Variants in RNF157 observed in about 807,000 individuals in gnomAD.
RNF157 encodes E3 ubiquitin ligase RNF157.
RNF157 carries 55 observed loss-of-function variants against 88.3 expected under a neutral mutation model. The observed-to-expected ratio is 0.62, with a 90% confidence interval of 0.50 to 0.78. The LOEUF is 0.78. Ranked by LOEUF, RNF157 falls within the 30% of genes least tolerant of loss-of-function variation. RNF157 has a pLI of 0.00. For missense variants in RNF157, 788 were observed against 860.8 expected, an observed-to-expected ratio of 0.92 and a Z score of 1.06; for synonymous variants, 334 against 341.2, an observed-to-expected ratio of 0.98 and a Z score of 0.23.
intron 3 of RNF157, among the ~76,000 whole-genome samples, chr17:76,171,092 C>T (rs1221494479): frequency 6.6e-6 from 1 of 152,052 alleles, no homozygotes; most frequent in Non-Finnish European, 1.5e-5. Context: ...CGGGGTTTCA[C>T]TGTGTTAGCC....
chr17:76,174,757 T>C (rs537098700), intron 2 of RNF157, among the ~76,000 whole-genome samples: 1 of 152,198 alleles, frequency 6.6e-6, no homozygotes, highest in Non-Finnish European at 1.5e-5. Flanking sequence ...GGAAACAATA[T>C]AGTTAAACCA....
At chr17:76,214,419 C>T (rs933369354) in intron 1 of RNF157, among the ~76,000 whole-genome samples, 19 of 152,254 alleles carry the variant, frequency 1.2e-4, no homozygotes, top group African/African-American at 4.3e-4. Flanking sequence ...CCAGCTTATA[C>T]CTACACACAG....
At chr17:76,190,723 CGA>C (rs1409766472) in intron 2 of RNF157, among the ~76,000 whole-genome samples, 1 of 150,598 alleles carries the variant, frequency 6.6e-6, no homozygotes, top group East Asian at 2.0e-4. Context: ...ATCGAGACCA[CGA>C]TGAAACCCCG....
At chr17:76,186,660 G>C (rs191128178) in intron 2 of RNF157, among the ~76,000 whole-genome samples, 1,809 of 151,552 alleles carry the variant, frequency 0.012, 110 homozygotes, top group Admixed American at 0.1. Context: ...GGTCTGGGCC[G>C]GGGGGGCAGT....
At chr17:76,159,817 T>C (rs550532949) in intron 11 of RNF157, among the ~76,000 whole-genome samples, 2 of 152,224 alleles carry the variant, frequency 1.3e-5, no homozygotes, top group East Asian at 3.9e-4. Flanking sequence ...ATTTGGAAAA[T>C]ACATAAAAGT....
chr17:76,164,774 C>G lies in RNF157; in HGVS notation c.694G>C (p.Val232Leu), dbSNP rs765545866. 6.2e-7 allele frequency: 1 copy of G among 1,611,626 alleles called. No individual in the cohort carries two copies. The highest frequency in any genetic ancestry group is 8.5e-7 in the Non-Finnish European group (1 of 1,177,968). Residue 232 changes from valine to leucine, a missense_variant, in exon 8 of 19, where the codon GTC (valine) becomes CTC (leucine). By Grantham distance (32) the Val-to-Leu change is conservative. Transcript: ENST00000269391. ...FEKHTDGTFCVKPLKQKQVVD... is the reference protein window; with the variant it reads ...FEKHTDGTFCLKPLKQKQVVD... Reference sequence around the variant, plus strand: ...ACTTGTTTCTGTTTGAGGGGCTTGACACAGAAAGTTCCATCTGTGTGCTGG... The same window carrying G: ...ACTTGTTTCTGTTTGAGGGGCTTGAGACAGAAAGTTCCATCTGTGTGCTGG...
chr17:76,228,192 T>C (rs2070126797), intron 1 of RNF157, among the ~76,000 whole-genome samples: 1 of 152,184 alleles, frequency 6.6e-6, no homozygotes, highest in Non-Finnish European at 1.5e-5. Context: ...ACTCTTCTAT[T>C]CTGGACCAGT....
chr17:76,226,703 T>A, intron 1 of RNF157: 1 of 1,611,986 alleles, frequency 6.2e-7, no homozygotes, highest in Non-Finnish European at 8.5e-7. Context: ...CACGTAGTCA[T>A]CTAAGAGACC....
chr17:76,172,596 A>T (rs2069032777), intron 3 of RNF157, among the ~76,000 whole-genome samples: 1 of 144,508 alleles, frequency 6.9e-6, no homozygotes, highest in Non-Finnish European at 1.5e-5. Context: ...AACAAGAGCA[A>T]AACTCCATCT....
chr17:76,152,796 G>A (rs906487242), intron 17 of RNF157, among the ~76,000 whole-genome samples: 1 of 152,200 alleles, frequency 6.6e-6, no homozygotes, highest in Non-Finnish European at 1.5e-5. Context: ...GTGAGGCTGC[G>A]ACCAACCAGC....
chr17:76,225,415 TAAG>T (rs1408899766), intron 1 of RNF157, among the ~76,000 whole-genome samples: 1 of 152,192 alleles, frequency 6.6e-6, no homozygotes, highest in East Asian at 1.9e-4. Context: ...CCCTACTCCA[TAAG>T]AAGTAACTCC....
rs1206612814 is a variant in RNF157 at position 76,143,954 on chromosome 17, C to G, written c.*1281G>C. 1 of 152,142 alleles carries G rather than the reference C, an allele frequency of 6.6e-6. No homozygotes were observed. The highest frequency in any genetic ancestry group is 1.5e-5 in the Non-Finnish European group (1 of 68,064). 9.4% of individuals were successfully genotyped at this position (152,142 alleles called of 1,614,324 possible). On this transcript the variant is annotated 3_prime_UTR_variant, in exon 19 of 19. Coordinates refer to ENST00000269391, the MANE Select transcript of RNF157 (RefSeq NM_052916.3). ...CTGAGCCCTGATTCCAACCTCTGCT[C>G]CCAGCACACTGCTGCTGGCCACATG...
chr17:76,161,545 T>C lies in RNF157; in HGVS notation c.1055A>G (p.Glu352Gly), dbSNP rs1198219704. The C allele has an allele frequency of 6.2e-7, 1 of 1,613,790 alleles. No homozygotes were observed. Among genetic ancestry groups the C allele is most frequent in the Non-Finnish European group, 8.5e-7 (1 of 1,179,812 alleles). ...PIISSQTSDS[E>G]EHPSSENIPP... is the part of the protein sequence containing the mutation. ...CCGAGCCCAACTTACTGGATGCTCT[T>C]CAGAGTCAGATGTCTGGGATGAGAT... The change falls in exon 11 of 19, where the codon GAA (glutamate) becomes GGA (glycine). Residue 352 changes from glutamate (E) to glycine (G), a missense_variant. Transcript: ENST00000269391. The surrounding 1 kb of genome is among the most constrained non-coding windows in gnomAD (Gnocchi z 4.6).
rs2068593382 is a variant in RNF157, at chr17:76,146,863, C to T, written c.1922-1510G>A. ...GGCCGTGAGGTTGAGAGAGGCCACT[C>T]ACAAGTGTCCAGGGTCAGCCTCAGG... On this transcript the variant is annotated intron_variant, in intron 18 of 18. Transcript: ENST00000269391. This position sits in a 1 kb window ranked among gnomAD's most constrained non-coding sequence, Gnocchi z 4.2. 1.0e-6 allele frequency: 1 copy of T among 985,454 alleles called. No homozygotes were observed. Among genetic ancestry groups the T allele is most frequent in the African/African-American group, 1.7e-5 (1 of 57,364 alleles). 61.0% of individuals were successfully genotyped at this position (985,454 alleles called of 1,614,324 possible).
Position 76,210,416 on chromosome 17 carries a change from C to G in RNF157, c.207+1948G>C, listed in dbSNP as rs552096168. ...CCATCCTGGCTAACACAGTGAAACC[C>G]CGTCTCTACTAAAAATACAAAAAAT... On this transcript the variant is annotated intron_variant, in intron 2 of 18. Coordinates refer to ENST00000269391, the MANE Select transcript of RNF157 (RefSeq NM_052916.3). Among the ~76,000 whole-genome samples the G allele has an allele frequency of 2.0e-5, 3 of 151,374 alleles. 1 individual carries two copies. In the South Asian group the frequency reaches 6.3e-4, roughly 32 times the overall value.
chr17:76,152,489 G>C (rs1206605662), intron 17 of RNF157, 24 bp from the exon 18 acceptor site: 1 of 1,444,088 alleles, frequency 6.9e-7, no homozygotes, highest in Non-Finnish European at 9.8e-7. Context: ...AATGCAGTTA[G>C]AGAGGGGCTG....
At chr17:76,162,043 C>T (rs2068853846) in intron 9 of RNF157, 41 bp from the exon 10 acceptor site, 2 of 1,594,860 alleles carry the variant, frequency 1.3e-6, no homozygotes, top group African/African-American at 2.7e-5. Context: ...GCACAAAGCC[C>T]TTCCTGTCCC....
chr17:76,146,935 T>C lies in RNF157; in HGVS notation c.1922-1582A>G. ...TTTAATGGCATGTAGAGTCAACAGG[T>C]ATAAATGGCTTATTTCCATCAATGC... On this transcript the variant is annotated intron_variant, in intron 18 of 18. Transcript: ENST00000269391. This position sits in a 1 kb window ranked among gnomAD's most constrained non-coding sequence, Gnocchi z 4.2. 2 of 985,412 alleles carry C rather than the reference T, an allele frequency of 2.0e-6. No individual in the cohort carries two copies. Among genetic ancestry groups the C allele is most frequent in the Non-Finnish European group, 2.4e-6 (2 of 829,916 alleles). 61.0% of individuals were successfully genotyped at this position (985,412 alleles called of 1,614,324 possible). A position where few individuals can be genotyped will look rare whatever the true frequency, so the allele number is the denominator to read the frequency against.
chr17:76,162,158 A>C (rs1400184973), intron 9 of RNF157, 156 bp from the exon 10 acceptor site: 6 of 712,568 alleles, frequency 8.4e-6, no homozygotes, highest in Non-Finnish European at 1.4e-5. Context: ...GTGCGTCCAC[A>C]CACTTAGCTT....
Sources: gnomAD v4.1 joint callset for allele counts (sites outside exome capture counted in the v4.1 genomes callset) on GRCh38, gnomAD v4.1.1 for gene constraint, Gnocchi (gnomAD v3.1) non-coding constraint, MANE v1.5 for transcripts, NCBI Gene and HGNC (gene_info 2026-07-23, HGNC 2026-07-21) for gene names.